The following DDX31 variants were observed in gnomAD, a reference collection of about 807,000 sequenced individuals.
DDX31 encodes ATP-dependent DNA helicase DDX31.
In DDX31, 70 loss-of-function variants were observed where a neutral mutation model predicts 91.3. The ratio of observed to expected loss-of-function variants is 0.77; its 90% CI spans 0.63 to 0.94. The LOEUF is 0.94. Ranked by LOEUF, DDX31 falls within the 40% of genes least tolerant of loss-of-function variation. The pLI, the probability that DDX31 is intolerant of heterozygous loss-of-function variation, is 0.00. For synonymous variants in DDX31, 362 were observed against 350.6 expected (o/e 1.03, Z -0.36); for missense variants, 902 against 925.0 (o/e 0.98, Z 0.32).
At chr9:132,636,630 T>C (rs1833135125) in intron 14 of DDX31, among the ~76,000 whole-genome samples, 1 of 152,234 alleles carries the variant, frequency 6.6e-6, no homozygotes, top group Non-Finnish European at 1.5e-5. Context: ...CTCTATTTCC[T>C]ACCTGGGTGA....
At position 132,662,693 on chromosome 9, in the gene DDX31, T is replaced by C. The variant is rs1485632873; in HGVS notation, c.78A>G (p.Gln26=). 1 of 1,614,080 alleles carries C rather than the reference T, an allele frequency of 6.2e-7. No homozygotes were observed. Among genetic ancestry groups the C allele is most frequent in the Admixed American group, 1.7e-5 (1 of 59,988 alleles). Residue 26 remains glutamine, a splice_region_variant and synonymous_variant, in exon 2 of 20, where the codon CAA becomes CAG. Transcript: ENST00000372159. ...SRRPPAQASR[Q]AKATKRKYQA... ...GGTATTTTCTTTTCGTAGCCTTTGC[T>C]TGCTGCGTTGTTCCCAGAAGGAAAG...
At chr9:132,640,968 A>G (rs1169095344) in intron 14 of DDX31, among the ~76,000 whole-genome samples, 1 of 152,198 alleles carries the variant, frequency 6.6e-6, no homozygotes, top group Non-Finnish European at 1.5e-5. Context: ...CAAGTATTCC[A>G]TGGTTACAGC....
At chr9:132,661,582 T>C (rs1225298983) in intron 3 of DDX31, among the ~76,000 whole-genome samples, 1 of 151,960 alleles carries the variant, frequency 6.6e-6, no homozygotes, top group African/African-American at 2.4e-5. Flanking sequence ...GTCCAAAATG[T>C]CCACAGCACC....
At position 132,645,974 on chromosome 9, in the gene DDX31, CCT is replaced by C. The variant is rs1321722092; in HGVS notation, c.1299_1300del (p.Pro436GlyfsTer111). The C allele has an allele frequency of 6.2e-7, 1 of 1,613,994 alleles. No homozygotes were observed. The highest frequency in any genetic ancestry group is 8.5e-7 in the Non-Finnish European group (1 of 1,180,026). ...TGGCAACTGCCCTGATGCCGGCGCCCCTGAGCTGCTCAGCAGGGTCTGTAGGA... is the reference window on the plus strand; with the variant it reads ...TGGCAACTGCCCTGATGCCGGCGCCCGAGCTGCTCAGCAGGGTCTGTAGGA... On this transcript the variant is annotated frameshift_variant, in exon 13 of 20. Coordinates refer to ENST00000372159, the MANE Select transcript of DDX31 (RefSeq NM_022779.9). LOFTEE classifies it high-confidence loss of function.
At position 132,618,360 on chromosome 9, in the gene DDX31, T is replaced by C. The variant is rs199750353; in HGVS notation, c.1795A>G (p.Ser599Gly). The C allele has an allele frequency of 2.8e-4, 458 of 1,611,278 alleles. No homozygotes were observed. Among genetic ancestry groups the C allele is most frequent in the Non-Finnish European group, 3.8e-4 (443 of 1,178,982 alleles). The change falls in exon 18 of 20, where the codon AGT becomes GGT. Residue 599 changes from serine to glycine, a missense_variant. Transcript: ENST00000372159. Reference sequence around the variant, plus strand: ...TTTGCCCAGGAGACCCTCCTCTCACTGGAGTGCACGTAATCTTCAAATACC... The same window carrying C: ...TTTGCCCAGGAGACCCTCCTCTCACCGGAGTGCACGTAATCTTCAAATACC... ...QTVFEDYVHS[S>G]ERRVSWAKKA... is the part of the protein sequence containing the mutation.
intron 14 of DDX31, among the ~76,000 whole-genome samples, chr9:132,636,692 CGT>C (rs749890522): frequency 3.3e-5 from 5 of 152,180 alleles, no homozygotes; most frequent in Non-Finnish European, 7.3e-5. Flanking sequence ...CCCACTAATG[CGT>C]GTGTTGGGGG....
Position 132,605,524 on chromosome 9 carries a change from T to C in DDX31, c.1994+6563A>G, listed in dbSNP as rs371551990. ...CATTCTGGATGAGAAATACGCAACC[T>C]GCACGATGAGCAAACACCAGGCAGG... On this transcript the variant is annotated intron_variant, in intron 19 of 19. Transcript: ENST00000372159. Among the ~76,000 whole-genome samples the C allele has an allele frequency of 1.6e-4, 24 of 152,186 alleles. 1 individual carries two copies. The highest frequency in any genetic ancestry group is 1.5e-3 in the South Asian group (7 of 4,816).
chr9:132,659,658 A>C, intron 5 of DDX31, 52 bp downstream of exon 5: 1 of 1,558,398 alleles, frequency 6.4e-7, no homozygotes, highest in Non-Finnish European at 8.7e-7. Flanking sequence ...AACCTAGTGC[A>C]TGACCATGGG....
chr9:132,632,879 C>A (rs1832881941), intron 14 of DDX31, among the ~76,000 whole-genome samples: 1 of 152,150 alleles, frequency 6.6e-6, no homozygotes, highest in Admixed American at 6.5e-5. Context: ...AGCAAAAATT[C>A]TCTACTCTCT....
chr9:132,633,244 T>C (rs1272642099), intron 14 of DDX31, among the ~76,000 whole-genome samples: 1 of 152,182 alleles, frequency 6.6e-6, no homozygotes, highest in Non-Finnish European at 1.5e-5. Flanking sequence ...CCATCAAAAA[T>C]GATCCCATGT....
intron 14 of DDX31, among the ~76,000 whole-genome samples, chr9:132,635,325 G>A (rs923479873): frequency 1.1e-4 from 17 of 151,946 alleles, no homozygotes; most frequent in Non-Finnish European, 2.9e-5. Flanking sequence ...GCCCTTGTCT[G>A]TACTGTTACC....
At chr9:132,655,647 T>C (rs902088760) in intron 6 of DDX31, among the ~76,000 whole-genome samples, 5 of 152,172 alleles carry the variant, frequency 3.3e-5, no homozygotes, top group African/African-American at 1.2e-4. Context: ...AAAACATATA[T>C]GGTACATTAT....
intron 17 of DDX31, among the ~76,000 whole-genome samples, chr9:132,623,995 T>C (rs1189804160): frequency 6.6e-6 from 1 of 151,738 alleles, no homozygotes; most frequent in Non-Finnish European, 1.5e-5. Flanking sequence ...TGAAACCCTG[T>C]CTCTACTAAA....
chr9:132,660,375 C>T (rs1834860169), intron 4 of DDX31, among the ~76,000 whole-genome samples: 1 of 149,900 alleles, frequency 6.7e-6, no homozygotes, highest in South Asian at 2.1e-4. Flanking sequence ...GGCATGACAA[C>T]AAATCAGAGT....
Position 132,593,575 on chromosome 9 carries a change from A to C in DDX31, c.*1291T>G, listed in dbSNP as rs758039073. 6.6e-6 allele frequency: 1 copy of C among 152,190 alleles called. No homozygotes were observed. The highest frequency in any genetic ancestry group is 1.5e-5 in the Non-Finnish European group (1 of 68,026). 9.4% of individuals were successfully genotyped at this position (152,190 alleles called of 1,614,324 possible). A position where few individuals can be genotyped will look rare whatever the true frequency, so the allele number is the denominator to read the frequency against. On this transcript the variant is annotated 3_prime_UTR_variant, in exon 20 of 20. Coordinates refer to ENST00000372159, the MANE Select transcript of DDX31 (RefSeq NM_022779.9). ...GAGAAGGTCCTATTTTTCCACCTGC[A>C]GAGGATCCAGTCTCACTAGGCTCCT...
At chr9:132,627,894 T>A (rs1429812743) in intron 16 of DDX31, among the ~76,000 whole-genome samples, 1 of 152,200 alleles carries the variant, frequency 6.6e-6, no homozygotes, top group African/African-American at 2.4e-5. Flanking sequence ...GCTCTCATGT[T>A]CTCAGGCACG....
chr9:132,627,948 C>A (rs117442916), intron 16 of DDX31, among the ~76,000 whole-genome samples: 4 of 152,286 alleles, frequency 2.6e-5, no homozygotes, highest in Admixed American at 6.5e-5. Context: ...TAGGAGTCGA[C>A]CTTTTGGATT....
rs144394202 is a variant in DDX31 at position 132,620,480 on chromosome 9, G to GA, written c.1714-2040dup. ...TGTGTATACAAGCGAAATACGTAGGGAAAAAAAAAACAGGATAGAACTAGG... is the reference window on the plus strand; with the variant it reads ...TGTGTATACAAGCGAAATACGTAGGGAAAAAAAAAAACAGGATAGAACTAGG... On this transcript the variant is annotated intron_variant, in intron 17 of 19. Transcript: ENST00000372159. Among the ~76,000 whole-genome samples, 60 of 143,278 alleles carry GA rather than the reference G, an allele frequency of 4.2e-4. 1 individual carries two copies. Among genetic ancestry groups the GA allele is most frequent in the South Asian group, 4.0e-3 (18 of 4,548 alleles). 94.0% of individuals were successfully genotyped at this position (143,278 alleles called of 152,430 possible).
chr9:132,635,455 CTTTTTTTTTTTTT>C (rs981082655), intron 14 of DDX31, among the ~76,000 whole-genome samples: 2 of 104,682 alleles, frequency 1.9e-5, no homozygotes, highest in Non-Finnish European at 1.9e-5. Context: ...ATGTACATAG[CTTTTTTTTTTTTT>C]TTTTTTTTTG....
Sources: allele counts gnomAD v4.1 joint callset (sites outside exome capture counted in the v4.1 genomes callset), GRCh38; gene constraint gnomAD v4.1.1; transcripts MANE v1.5; gene names NCBI Gene and HGNC (gene_info 2026-07-23, HGNC 2026-07-21).